Variants in ZNF804A observed in about 807,000 individuals in gnomAD.
The protein encoded by ZNF804A is zinc finger protein 804A.
ZNF804A carries 2 observed loss-of-function variants against 16.5 expected under a neutral mutation model. The observed-to-expected ratio is 0.12, with a 90% CI of 0.05 to 0.38. The LOEUF (loss-of-function observed/expected upper bound fraction) is 0.38. Among genes scored for constraint, ZNF804A ranks in the 10% least tolerant of loss-of-function variants. The pLI, the probability that ZNF804A is intolerant of heterozygous loss-of-function variation, is 0.99. For synonymous variants in ZNF804A, 534 were observed against 489.6 expected, an observed-to-expected ratio of 1.09 and a Z score of -1.20; for missense variants, 1,473 against 1,390.7, an observed-to-expected ratio of 1.06 and a Z score of -0.94.
intron 1 of ZNF804A, among the ~76,000 whole-genome samples, chr2:184,789,911 A>C (rs995664872): frequency 6.6e-6 from 1 of 151,820 alleles, no homozygotes; most frequent in Non-Finnish European, 1.5e-5. Context: ...CTTGAGTTAC[A>C]ATGCTAGGTT....
rs142448316 is a variant in ZNF804A, at chr2:184,938,504, C to T, written c.3108C>T (p.Ile1036=). Residue 1036 remains isoleucine, a synonymous_variant, in exon 4 of 4, where the codon ATC becomes ATT. Coordinates refer to ENST00000302277, the MANE Select transcript of ZNF804A (RefSeq NM_194250.2). The part of the protein sequence containing the change: ...PLALPEQALL[I]PLENHDKFKN... ...CTTTACCAGAGCAAGCATTATTGAT[C>T]CCACTAGAAAACCATGACAAATTCA... 2.5e-6 allele frequency: 4 copies of T among 1,613,930 alleles called. No individual in the cohort carries two copies. The highest frequency in any genetic ancestry group is 2.5e-6 in the Non-Finnish European group (3 of 1,180,012).
At chr2:184,760,089 C>T (rs1054533642) in intron 1 of ZNF804A, among the ~76,000 whole-genome samples, 6 of 151,978 alleles carry the variant, frequency 3.9e-5, no homozygotes, top group African/African-American at 1.4e-4. Flanking sequence ...TAGTGGAATG[C>T]CATCAGTTAA....
intron 1 of ZNF804A, among the ~76,000 whole-genome samples, chr2:184,710,879 T>C (rs1693114897): frequency 6.6e-6 from 1 of 151,842 alleles, no homozygotes; most frequent in Non-Finnish European, 1.5e-5. Flanking sequence ...TCTATGTCTA[T>C]GCCATGTTTT....
intron 2 of ZNF804A, among the ~76,000 whole-genome samples, chr2:184,891,008 T>C (rs1440042597): frequency 1.3e-5 from 2 of 152,104 alleles, no homozygotes; most frequent in African/African-American, 4.8e-5. Flanking sequence ...GATACCACCA[T>C]TGTGAGAACA....
At chr2:184,657,470 T>G (rs1056739671) in intron 1 of ZNF804A, among the ~76,000 whole-genome samples, 8 of 152,182 alleles carry the variant, frequency 5.3e-5, no homozygotes, top group Non-Finnish European at 1.0e-4. Flanking sequence ...GCCCTACTTT[T>G]GGGGCTTTTT....
intron 1 of ZNF804A, among the ~76,000 whole-genome samples, chr2:184,766,772 TA>T (rs1203599478): frequency 6.6e-6 from 1 of 152,138 alleles, no homozygotes; most frequent in Non-Finnish European, 1.5e-5. Flanking sequence ...TTCATGTTTA[TA>T]GCAACATCAT....
chr2:184,795,411 C>T (rs1694616184), intron 1 of ZNF804A, among the ~76,000 whole-genome samples: 1 of 152,012 alleles, frequency 6.6e-6, no homozygotes, highest in Non-Finnish European at 1.5e-5. Context: ...CTCTGCAGTA[C>T]AACAAAGGTG....
intron 1 of ZNF804A, among the ~76,000 whole-genome samples, chr2:184,629,858 A>G (rs1184352713): frequency 6.6e-6 from 1 of 152,138 alleles, no homozygotes; most frequent in Non-Finnish European, 1.5e-5. Flanking sequence ...ATTGTTTGTG[A>G]TATCTCTGGC....
chr2:184,750,695 A>G (rs1693864706), intron 1 of ZNF804A, among the ~76,000 whole-genome samples: 1 of 151,416 alleles, frequency 6.6e-6, no homozygotes, highest in African/African-American at 2.4e-5. Context: ...AGAACACAAC[A>G]TAAGATCTTA....
chr2:184,757,376 A>C (rs1693974602), intron 1 of ZNF804A, among the ~76,000 whole-genome samples: 2 of 151,962 alleles, frequency 1.3e-5, no homozygotes, highest in Admixed American at 6.6e-5. Context: ...AAACATGTGC[A>C]GGTTACACTT....
At chr2:184,934,801 C>T (rs768904847) in intron 3 of ZNF804A, among the ~76,000 whole-genome samples, 2 of 152,028 alleles carry the variant, frequency 1.3e-5, no homozygotes, top group Non-Finnish European at 2.9e-5. Context: ...ACATATTTTA[C>T]ATTATATGTA....
At chr2:184,720,525 T>C (rs1693294971) in intron 1 of ZNF804A, among the ~76,000 whole-genome samples, 1 of 151,906 alleles carries the variant, frequency 6.6e-6, no homozygotes, top group Admixed American at 6.6e-5. Context: ...CATAAATAAA[T>C]AAAATACCTA....
In ZNF804A at chr2:184,938,542, G is replaced by T. The variant is rs200076566; in HGVS notation, c.3146G>T (p.Cys1049Phe). The change falls in exon 4 of 4, where the codon TGT (cysteine) becomes TTT (phenylalanine). Residue 1049 changes from cysteine (C) to phenylalanine (F), a missense_variant. Physicochemically the swap from Cys to Phe is radical, Grantham distance 205. Coordinates refer to ENST00000302277, the MANE Select transcript of ZNF804A (RefSeq NM_194250.2). ...CATGACAAATTCAAAAATGTACCAT[G>T]TGAGGTCTACCAGCACATTCTGCAG... is the stretch of plus-strand genomic sequence containing the variant. ...ENHDKFKNVPCEVYQHILQPN... is the reference protein window; with the variant it reads ...ENHDKFKNVPFEVYQHILQPN... 4 of 1,614,074 alleles carry T rather than the reference G, an allele frequency of 2.5e-6. No individual in the cohort carries two copies. Among genetic ancestry groups the T allele is most frequent in the Non-Finnish European group, 3.4e-6 (4 of 1,180,012 alleles).
At chr2:184,656,075 A>G (rs561235928) in intron 1 of ZNF804A, among the ~76,000 whole-genome samples, 22 of 152,238 alleles carry the variant, frequency 1.4e-4, no homozygotes, top group African/African-American at 5.3e-4. Flanking sequence ...TTATTAATCA[A>G]TTATTTAGAT....
intron 1 of ZNF804A, among the ~76,000 whole-genome samples, chr2:184,681,049 C>T (rs535999243): frequency 2.6e-5 from 4 of 152,330 alleles, no homozygotes; most frequent in South Asian, 2.1e-4. Context: ...CTGGACCCCA[C>T]GCTCACTCGC....
Position 184,691,042 on chromosome 2 carries a change from T to G in ZNF804A, c.111+91972T>G, listed in dbSNP as rs1023821182. Among the ~76,000 whole-genome samples the G allele has an allele frequency of 2.0e-5, 3 of 152,050 alleles. 1 individual carries two copies. Among genetic ancestry groups the G allele is most frequent in the Admixed American group, 6.6e-5 (1 of 15,252 alleles). On this transcript the variant is annotated intron_variant, in intron 1 of 3. Coordinates refer to ENST00000302277, the MANE Select transcript of ZNF804A (RefSeq NM_194250.2). ...ATAAAGAAGACATATTTAGTGAGGA[T>G]ACTTTTAAAAATAAGATATATTTAG...
At position 184,939,158 on chromosome 2, in the gene ZNF804A, A is replaced by G. The variant is rs1317898685; in HGVS notation, c.*132A>G. The G allele has an allele frequency of 5.3e-6, 6 of 1,136,936 alleles. No homozygotes were observed. The East Asian group carries it at 1.2e-4, about 23-fold the overall frequency. The allele number at this position is 1,136,936 out of a possible 1,614,324, so 70.4% of individuals were successfully genotyped here. A position where few individuals can be genotyped will look rare whatever the true frequency, so the allele number is the denominator to read the frequency against. On this transcript the variant is annotated 3_prime_UTR_variant, in exon 4 of 4. Transcript: ENST00000302277. ...CCGATACATGGCGTCATTGGTTTGA[A>G]ATCATTTACTGTAAGTGCAATGATG...
At chr2:184,674,668 G>A (rs1414793834) in intron 1 of ZNF804A, among the ~76,000 whole-genome samples, 9 of 151,538 alleles carry the variant, frequency 5.9e-5, no homozygotes, top group Non-Finnish European at 1.3e-4. Context: ...CATCACTGGA[G>A]GATATATAAG....
chr2:184,690,502 A>G (rs1176057702), intron 1 of ZNF804A, among the ~76,000 whole-genome samples: 1 of 152,076 alleles, frequency 6.6e-6, no homozygotes. Context: ...TAGAATACTT[A>G]TGTTTGCTAA....
Sources: gnomAD v4.1 joint callset for allele counts (sites outside exome capture counted in the v4.1 genomes callset) on GRCh38, gnomAD v4.1.1 for gene constraint, MANE v1.5 for transcripts, NCBI Gene and HGNC (gene_info 2026-07-23, HGNC 2026-07-21) for gene names.